The following ILF2 variants were observed in gnomAD, a reference collection of about 807,000 sequenced individuals.
ILF2 encodes the protein interleukin enhancer binding factor 2.
Under a neutral mutation model 55.3 loss-of-function variants are expected in ILF2, and 9 were observed. The observed-to-expected ratio is 0.16, with a 90% CI of 0.10 to 0.28. ILF2 has a LOEUF of 0.28. Among genes scored for constraint, ILF2 ranks in the 10% least tolerant of loss-of-function variants. ILF2 has a pLI of 1.00. For missense variants in ILF2, 266 were observed against 474.9 expected, an observed-to-expected ratio of 0.56 and a Z score of 4.09; for synonymous variants, 151 against 161.8, an observed-to-expected ratio of 0.93 and a Z score of 0.50.
chr1:153,668,614 T>C (rs1270812807), intron 3 of ILF2, 57 bp from the exon 4 acceptor site: 106 of 1,529,908 alleles, frequency 6.9e-5, no homozygotes, highest in South Asian at 1.2e-5. Context: ...ACAGGAGAGA[T>C]TGTTTTTTCT....
chr1:153,663,242 T>C lies in ILF2; in HGVS notation c.779A>G (p.Gln260Arg). Residue 260 changes from glutamine (Q) to arginine (R), a missense_variant, in exon 11 of 14, where the codon CAG (glutamine) becomes CGG (arginine). Gln to Arg is a conservative substitution (Grantham distance 43). Transcript: ENST00000361891. ...GTATGCAACGTTTAGGGCCAAAGGC[T>C]GTCTGGTGGGGTTGTTCATCACAGC... Reference protein sequence around the residue: ...HYAVMNNPTRQPLALNVAYRR... With the variant: ...HYAVMNNPTRRPLALNVAYRR... 1 of 1,614,222 alleles carries C rather than the reference T, an allele frequency of 6.2e-7. No individual in the cohort carries two copies. The highest frequency in any genetic ancestry group is 8.5e-7 in the Non-Finnish European group (1 of 1,180,040).
intron 13 of ILF2, 42 bp downstream of exon 13, chr1:153,662,663 C>T (rs1156940343): frequency 1.3e-6 from 2 of 1,584,106 alleles, no homozygotes; most frequent in Admixed American, 3.3e-5. Flanking sequence ...TTCTCTGTAC[C>T]AGATTACAAT....
intron 12 of ILF2, 80 bp downstream of exon 12, chr1:153,662,939 A>C (rs1191753597): frequency 7.3e-6 from 10 of 1,369,672 alleles, no homozygotes; most frequent in Non-Finnish European, 1.0e-5. Context: ...ACCCGTAAAG[A>C]CCATATTCCG....
chr1:153,665,737 C>A lies in ILF2; in HGVS notation c.395-9G>T. ...GGCAGCAACAGCTTCCACTAATTGA[C>A]AGAAAATGACATAATGTTATAATAA... On this transcript the variant is annotated splice_polypyrimidine_tract_variant and intron_variant, in intron 6 of 13. Transcript: ENST00000361891. 6.3e-7 allele frequency: 1 copy of A among 1,596,312 alleles called. No individual in the cohort carries two copies. Among genetic ancestry groups the A allele is most frequent in the South Asian group, 1.1e-5 (1 of 89,096 alleles).
chr1:153,662,916 C>T, intron 12 of ILF2, 103 bp downstream of exon 12: 2 of 1,314,450 alleles, frequency 1.5e-6, no homozygotes, highest in Non-Finnish European at 1.1e-6. Flanking sequence ...CTTTCAGAAT[C>T]CCCAAATTCC....
At position 153,664,147 on chromosome 1, in the gene ILF2, C is replaced by T; in HGVS notation, c.657-17G>A. The T allele has an allele frequency of 6.6e-7, 1 of 1,513,432 alleles. No homozygotes were observed. The highest frequency in any genetic ancestry group is 9.2e-7 in the Non-Finnish European group (1 of 1,091,822). The allele number at this position is 1,513,432 out of a possible 1,614,324, so 93.8% of individuals were successfully genotyped here. A position where few individuals can be genotyped will look rare whatever the true frequency, so the allele number is the denominator to read the frequency against. ...ACTTTAACTCTGAAAGTAATAGTGA[C>T]CCAAACATTAAAATCAATACGATCA... is the stretch of plus-strand genomic sequence containing the variant. On this transcript the variant is annotated splice_polypyrimidine_tract_variant and intron_variant, in intron 9 of 13. Coordinates refer to ENST00000361891, the MANE Select transcript of ILF2 (RefSeq NM_004515.4).
In ILF2 at chr1:153,670,948, G is replaced by A. The variant is rs763439359; in HGVS notation, c.-26C>T. On this transcript the variant is annotated 5_prime_UTR_variant, in exon 1 of 14. Transcript: ENST00000361891. ...GGCGCCTTAAAACACGAACAATGGA[G>A]GCCGCACCAACCGCCCCTTCCTCTG... The A allele has an allele frequency of 8.7e-6, 14 of 1,614,000 alleles. No homozygotes were observed. Among genetic ancestry groups the A allele is most frequent in the African/African-American group, 2.7e-5 (2 of 74,914 alleles).
chr1:153,669,044 AAC>A (rs1669381151), intron 3 of ILF2, among the ~76,000 whole-genome samples: 1 of 151,310 alleles, frequency 6.6e-6, no homozygotes, highest in Non-Finnish European at 1.5e-5. Flanking sequence ...GTCTCTACTA[AAC>A]AGACATACAA....
Position 153,668,664 on chromosome 1 carries a change from C to T in ILF2, c.109-107G>A, listed in dbSNP as rs949684296. ...AAAAGGTTAAAAACAGAAAATTCTA[C>T]ACTTGTTTTTACTGCTTAATTTGTT... On this transcript the variant is annotated intron_variant, in intron 3 of 13. Transcript: ENST00000361891. The T allele has an allele frequency of 4.7e-5, 62 of 1,322,244 alleles. No individual in the cohort carries two copies. The African/African-American group carries it at 8.2e-4, about 18-fold the overall frequency. 81.9% of individuals were successfully genotyped at this position (1,322,244 alleles called of 1,614,324 possible). A position where few individuals can be genotyped will look rare whatever the true frequency, so the allele number is the denominator to read the frequency against.
intron 6 of ILF2, 53 bp from the exon 7 acceptor site, chr1:153,665,781 C>T: frequency 7.4e-7 from 1 of 1,349,048 alleles, no homozygotes; most frequent in Non-Finnish European, 1.0e-6. Flanking sequence ...CCTAGACTTT[C>T]TATGTATCTC....
At chr1:153,664,898 A>C (rs537904943) in intron 8 of ILF2, among the ~76,000 whole-genome samples, 25 of 152,190 alleles carry the variant, frequency 1.6e-4, no homozygotes, top group Non-Finnish European at 3.4e-4. Context: ...TTCTCATATC[A>C]GCAAATCACT....
At position 153,664,278 on chromosome 1, in the gene ILF2, A is replaced by G. The variant is rs1669250497; in HGVS notation, c.656+118T>C. ...AATTTGCTTCCTTAAGGTAAAAATA[A>G]AAATCCAGACACGAGGTCACAGGCA... On this transcript the variant is annotated intron_variant, in intron 9 of 13. Coordinates refer to ENST00000361891, the MANE Select transcript of ILF2 (RefSeq NM_004515.4). 5 of 1,072,152 alleles carry G rather than the reference A, an allele frequency of 4.7e-6. No individual in the cohort carries two copies. The South Asian group carries it at 6.8e-5, about 14-fold the overall frequency. The allele number at this position is 1,072,152 out of a possible 1,614,324, so 66.4% of individuals were successfully genotyped here.
Position 153,662,716 on chromosome 1 carries a change from C to A in ILF2, c.1001G>T (p.Gly334Val). ...CAGTGGTCACTCACAGCTGGCATCA[C>A]CCTCCTGGCCAAGGATCTTCCTAAA... ...GGFRKILGQE[G>V]DASYLASEIS... is the part of the protein sequence containing the mutation. Residue 334 changes from glycine to valine, a missense_variant, in exon 13 of 14, where the codon GGT (glycine) becomes GTT (valine). Coordinates refer to ENST00000361891, the MANE Select transcript of ILF2 (RefSeq NM_004515.4). 6.2e-7 allele frequency: 1 copy of A among 1,614,150 alleles called. No homozygotes were observed. The highest frequency in any genetic ancestry group is 2.2e-5 in the East Asian group (1 of 44,880).
At position 153,669,835 on chromosome 1, in the gene ILF2, C is replaced by G; in HGVS notation, c.108+1G>C. Reference sequence around the variant, plus strand: ...GTGTATCATTAACCCAAGGTACTCACCAAATAGAAGTCAAATGGGATATGT... The same window carrying G: ...GTGTATCATTAACCCAAGGTACTCAGCAAATAGAAGTCAAATGGGATATGT... On this transcript the variant is annotated splice_donor_variant, in intron 3 of 13. Transcript: ENST00000361891. LOFTEE classifies it high-confidence loss of function. The G allele has an allele frequency of 6.2e-7, 1 of 1,611,428 alleles. No individual in the cohort carries two copies. The highest frequency in any genetic ancestry group is 8.5e-7 in the Non-Finnish European group (1 of 1,177,622).
At chr1:153,664,574 T>C (rs1478904784) in intron 8 of ILF2, 100 bp from the exon 9 acceptor site, 13 of 935,978 alleles carry the variant, frequency 1.4e-5, no homozygotes, top group Middle Eastern at 2.1e-4. Flanking sequence ...GAGGGCAGGA[T>C]AGACGGAGTC....
chr1:153,665,667 A>G lies in ILF2; in HGVS notation c.456T>C (p.Ser152=). 6.2e-7 allele frequency: 1 copy of G among 1,613,566 alleles called. No individual in the cohort carries two copies. The highest frequency in any genetic ancestry group is 8.5e-7 in the Non-Finnish European group (1 of 1,179,442). The stretch of plus-strand genomic sequence containing the variant: ...GAATCAGCAACAAATGCAAACCTTC[A>G]GAAGGATCCTGTGCTCTTAGGCTTT... ...VVESLRAQDP[S]EVLTMLTNET... Residue 152 remains serine (S), a synonymous_variant, in exon 7 of 14, where the codon TCT becomes TCC. Coordinates refer to ENST00000361891, the MANE Select transcript of ILF2 (RefSeq NM_004515.4).
At position 153,664,432 on chromosome 1, in the gene ILF2, T is replaced by C. The variant is rs960222939; in HGVS notation, c.620A>G (p.His207Arg). The C allele has an allele frequency of 1.2e-6, 2 of 1,614,016 alleles. No homozygotes were observed. Among genetic ancestry groups the C allele is most frequent in the South Asian group, 1.1e-5 (1 of 91,094 alleles). ...AGCATTTTCCTCGAACCAGCGGGCATGTCGGATGGCTGCTAAGGCACTCTG... is the reference window on the plus strand; with the variant it reads ...AGCATTTTCCTCGAACCAGCGGGCACGTCGGATGGCTGCTAAGGCACTCTG... ...VLQSALAAIR[H>R]ARWFEENASQ... The change falls in exon 9 of 14, where the codon CAT (histidine) becomes CGT (arginine). Residue 207 changes from histidine to arginine, a missense_variant. Transcript: ENST00000361891.
In ILF2 at chr1:153,665,697, G is replaced by C. The variant is rs369809543; in HGVS notation, c.426C>G (p.Val142=). ...LEAVAALGNK[V]VESLRAQDPS... Reference sequence around the variant, plus strand: ...GATCCTGTGCTCTTAGGCTTTCCACGACTTTGTTCCCCAGGGCAGCAACAG... The same window carrying C: ...GATCCTGTGCTCTTAGGCTTTCCACCACTTTGTTCCCCAGGGCAGCAACAG... The change falls in exon 7 of 14, where the codon GTC becomes GTG. Residue 142 remains valine, a synonymous_variant. Coordinates refer to ENST00000361891, the MANE Select transcript of ILF2 (RefSeq NM_004515.4). 1.2e-6 allele frequency: 2 copies of C among 1,612,382 alleles called. No homozygotes were observed. The highest frequency in any genetic ancestry group is 1.7e-5 in the Admixed American group (1 of 59,572).
At position 153,662,467 on chromosome 1, in the gene ILF2, CTCCTTCCTT is replaced by C; in HGVS notation, c.1093_1101del (p.Lys365_Gly367del). ...TCTTCTGTATTCTCCTCTTCTTCCTCTCCTTCCTTCTTCTCTGGTGGCTTCTCATAAGCC... is the reference window on the plus strand; with the variant it reads ...TCTTCTGTATTCTCCTCTTCTTCCTCCTTCTCTGGTGGCTTCTCATAAGCC... On this transcript the variant is annotated inframe_deletion, in exon 14 of 14. Coordinates refer to ENST00000361891, the MANE Select transcript of ILF2 (RefSeq NM_004515.4). 6.2e-7 allele frequency: 1 copy of C among 1,613,344 alleles called. No homozygotes were observed. Among genetic ancestry groups the C allele is most frequent in the South Asian group, 1.1e-5 (1 of 91,054 alleles).
Sources: allele counts gnomAD v4.1 joint callset (sites outside exome capture counted in the v4.1 genomes callset), GRCh38; gene constraint gnomAD v4.1.1; transcripts MANE v1.5; gene names NCBI Gene and HGNC (gene_info 2026-07-23, HGNC 2026-07-21).